The following GSE1 variants were observed in gnomAD, a reference collection of about 807,000 sequenced individuals.
The protein encoded by GSE1 is Gse1 coiled-coil protein, also known as genetic suppressor element 1.
GSE1 carries 32 observed loss-of-function variants against 112.6 expected under a neutral mutation model. That is an observed-to-expected ratio of 0.28 (90% CI 0.21 to 0.38). The LOEUF (loss-of-function observed/expected upper bound fraction) is 0.38. Among genes scored for constraint, GSE1 ranks in the 10% least tolerant of loss-of-function variants. The pLI is 1.00. For missense variants in GSE1, 2,348 were observed against 1,699.2 expected (o/e 1.38, Z -6.71); for synonymous variants, 1,115 against 735.6 (o/e 1.52, Z -8.35).
intron 1 of GSE1, among the ~76,000 whole-genome samples, chr16:85,259,184 C>T (rs1416210999): frequency 1.3e-5 from 2 of 152,152 alleles, no homozygotes; most frequent in South Asian, 2.1e-4. Context: ...GGGGCGGGGG[C>T]TCGTGCCCCT....
chr16:85,194,093 A>G (rs1311612558), intron 1 of GSE1, among the ~76,000 whole-genome samples: 1 of 152,032 alleles, frequency 6.6e-6, no homozygotes, highest in African/African-American at 2.4e-5. Context: ...GCAGAGCTCG[A>G]CTCTGACTCA....
At chr16:85,555,020 GC>G (rs2045129427), upstream of GSE1, 1 of 985,332 alleles carries the variant, frequency 1.0e-6, no homozygotes, top group Non-Finnish European at 1.2e-6. Flanking sequence ...CGGCGGCCGC[GC>G]GGGGGGAAGC....
intron 1 of GSE1, among the ~76,000 whole-genome samples, chr16:85,221,043 C>T (rs575550800): frequency 6.6e-6 from 1 of 151,832 alleles, no homozygotes; most frequent in Non-Finnish European, 1.5e-5. Context: ...CGGGCTGCCC[C>T]CTCTCCGAGA....
intron 2 of GSE1, among the ~76,000 whole-genome samples, chr16:85,514,396 C>A (rs2051850719): frequency 6.9e-6 from 1 of 144,238 alleles, no homozygotes; most frequent in African/African-American, 2.5e-5. Flanking sequence ...CCTCTGAGTC[C>A]TGCCCCCAGG....
intron 1 of GSE1, among the ~76,000 whole-genome samples, chr16:85,345,374 GA>G (rs2046712831): frequency 6.6e-6 from 1 of 152,160 alleles, no homozygotes; most frequent in Admixed American, 6.5e-5. Context: ...GAGTGGTTTT[GA>G]CAGAGACCAT....
rs1555554205 is a variant in GSE1, at chr16:85,292,328, G to GTA, written c.2284-65134_2284-65133insAT. 5.0e-3 allele frequency among the ~76,000 whole-genome samples: 703 copies of GTA among 140,710 alleles called. 6 individuals are homozygous for GTA. Among genetic ancestry groups the GTA allele is most frequent in the African/African-American group, 0.018 (673 of 37,778 alleles). 92.3% of individuals were successfully genotyped at this position (140,710 alleles called of 152,430 possible). On this transcript the variant is annotated intron_variant, in intron 1 of 2. Coordinates refer to the GSE1 transcript ENST00000637419. ...TAATTTTTGTTGTTTTTTTGTTTTT[G>GTA]TTTTTTTTTTTTGTTTTCTGAGACA...
chr16:85,638,535 TC>T (rs1222102872), intron 2 of GSE1, among the ~76,000 whole-genome samples: 1 of 152,178 alleles, frequency 6.6e-6, no homozygotes, highest in Non-Finnish European at 1.5e-5. Context: ...TTCCACTTTT[TC>T]TTGGGTGAGG....
At chr16:85,632,751 A>T (rs2049645512) in intron 1 of GSE1, among the ~76,000 whole-genome samples, 1 of 152,090 alleles carries the variant, frequency 6.6e-6, no homozygotes, top group Non-Finnish European at 1.5e-5. Context: ...CTGTGACACC[A>T]GCCCCACCAT....
chr16:85,350,221 T>C (rs997786912), intron 1 of GSE1, among the ~76,000 whole-genome samples: 1 of 152,160 alleles, frequency 6.6e-6, no homozygotes, highest in Non-Finnish European at 1.5e-5. Context: ...GCCAGAGCAG[T>C]TGTGGCTCGC....
At chr16:85,485,798 A>T (rs973464132) in intron 2 of GSE1, among the ~76,000 whole-genome samples, 8 of 152,194 alleles carry the variant, frequency 5.3e-5, no homozygotes, top group African/African-American at 1.9e-4. Flanking sequence ...GCAGGCAGGC[A>T]GAAGCAGCCC....
chr16:85,657,492 G>A lies in GSE1; in HGVS notation c.1528G>A (p.Asp510Asn), dbSNP rs1382048353. The change falls in exon 8 of 16, where the codon GAC becomes AAC. Residue 510 changes from aspartate to asparagine, a missense_variant. By Grantham distance (23) the Asp-to-Asn change is conservative. Coordinates refer to ENST00000253458, the MANE Select transcript of GSE1 (RefSeq NM_014615.5). ...RQRRLRQEKE[D>N]RQSQVSEFRQ... ...GCGGCGGCTGCGGCAGGAGAAGGAG[G>A]ACCGGCAGTCTCAGGTGTCCGAGTT... The A allele has an allele frequency of 6.2e-7, 1 of 1,607,148 alleles. No individual in the cohort carries two copies. Among genetic ancestry groups the A allele is most frequent in the Non-Finnish European group, 8.5e-7 (1 of 1,177,448 alleles).
intron 1 of GSE1, among the ~76,000 whole-genome samples, chr16:85,572,836 G>C (rs544060291): frequency 6.6e-6 from 1 of 152,182 alleles, no homozygotes; most frequent in African/African-American, 2.4e-5. Context: ...CCACTTTGGA[G>C]AACCTGCAGA....
At chr16:85,346,641 A>AGATGGATAAGTGGTGGATGGAT (rs1567702949) in intron 1 of GSE1, among the ~76,000 whole-genome samples, 1 of 145,380 alleles carries the variant, frequency 6.9e-6, no homozygotes, top group Non-Finnish European at 1.5e-5. Flanking sequence ...ATGGACAGGT[A>AGATGGATAAGTGGTGGATGGAT]GATGGATAAG....
At chr16:85,222,662 G>A (rs184019115) in intron 1 of GSE1, among the ~76,000 whole-genome samples, 243 of 152,304 alleles carry the variant, frequency 1.6e-3, no homozygotes, top group African/African-American at 5.6e-3. Context: ...CAACACAAAT[G>A]AAGTCCAGGA....
intron 1 of GSE1, among the ~76,000 whole-genome samples, chr16:85,240,256 C>T (rs12922441): frequency 0.088 from 13,366 of 152,292 alleles, 1,102 homozygotes; most frequent in African/African-American, 0.21. Flanking sequence ...GTTCCCTCCT[C>T]CCCAGTCATT....
chr16:85,517,280 G>T (rs1331838154), intron 2 of GSE1, among the ~76,000 whole-genome samples: 1 of 152,120 alleles, frequency 6.6e-6, no homozygotes, highest in Non-Finnish European at 1.5e-5. Context: ...GAGGACACAC[G>T]CAGGGGCCTA....
chr16:85,537,839 C>T (rs963345754), intron 2 of GSE1, among the ~76,000 whole-genome samples: 40 of 152,286 alleles, frequency 2.6e-4, no homozygotes, highest in African/African-American at 9.1e-4. Context: ...GAGGCTGGGG[C>T]GGTTGGGGTG....
chr16:85,546,076 C>T (rs760151599), intron 2 of GSE1, among the ~76,000 whole-genome samples: 41 of 151,684 alleles, frequency 2.7e-4, no homozygotes, highest in Admixed American at 5.9e-4. Context: ...GGAGCCGCCG[C>T]GCCCAGCCAT....
upstream of GSE1, among the ~76,000 whole-genome samples, chr16:85,606,439 C>T (rs2047706907): frequency 1.3e-5 from 2 of 152,248 alleles, no homozygotes; most frequent in Non-Finnish European, 1.5e-5. Context: ...GGTCAGGTGC[C>T]CTCACACAGC....
Sources: allele counts gnomAD v4.1 joint callset (sites outside exome capture counted in the v4.1 genomes callset), GRCh38; gene constraint gnomAD v4.1.1; transcripts MANE v1.5; gene names NCBI Gene and HGNC (gene_info 2026-07-23, HGNC 2026-07-21).